CDH18: variants seen among roughly 807,000 people sequenced by gnomAD.
CDH18 encodes cadherin 18, also known as cadherin-18.
In CDH18, 31 loss-of-function variants were observed where a neutral mutation model predicts 67.9. The observed-to-expected ratio is 0.46, with a 90% CI of 0.34 to 0.62. The LOEUF (loss-of-function observed/expected upper bound fraction) is 0.62, where lower values mean the gene tolerates loss of function less well. Ranked by LOEUF, CDH18 falls within the 20% of genes least tolerant of loss-of-function variation. The pLI, the probability that CDH18 is intolerant of heterozygous loss-of-function variation, is 0.01. For missense variants in CDH18, 890 were observed against 975.5 expected, an observed-to-expected ratio of 0.91 and a Z score of 1.17; for synonymous variants, 362 against 347.2, an observed-to-expected ratio of 1.04 and a Z score of -0.48.
At chr5:20,545,982 T>A (rs962164600) in intron 1 of CDH18, among the ~76,000 whole-genome samples, 2 of 152,146 alleles carry the variant, frequency 1.3e-5, no homozygotes, top group Non-Finnish European at 2.9e-5. Context: ...ATCAGCCAGG[T>A]CATATCTTGA....
chr5:19,796,384 C>T (rs936959297), intron 3 of CDH18, among the ~76,000 whole-genome samples: 3 of 152,198 alleles, frequency 2.0e-5, no homozygotes, highest in Non-Finnish European at 2.9e-5. Context: ...CAGTAGATTT[C>T]GCATGTAACA....
At chr5:20,126,766 C>G (rs1748864203) in intron 2 of CDH18, among the ~76,000 whole-genome samples, 2 of 152,054 alleles carry the variant, frequency 1.3e-5, no homozygotes, top group African/African-American at 2.4e-5. Flanking sequence ...TACAATGAAG[C>G]ATCACCTCAT....
rs146375117 is a variant in CDH18 at position 19,811,255 on chromosome 5, G to T, written c.228+27504C>A. Among the ~76,000 whole-genome samples the T allele has an allele frequency of 5.0e-3, 762 of 152,138 alleles. 2 individuals are homozygous for T. Among genetic ancestry groups the T allele is most frequent in the Non-Finnish European group, 8.0e-3 (545 of 67,976 alleles). Reference sequence around the variant, plus strand: ...GATAAAGAAAGAAGCATATGTTAAAGCTCTGAACCCCAATACTTCAAAATG... The same window carrying T: ...GATAAAGAAAGAAGCATATGTTAAATCTCTGAACCCCAATACTTCAAAATG... On this transcript the variant is annotated intron_variant, in intron 3 of 12. Coordinates refer to ENST00000382275, the MANE Select transcript of CDH18 (RefSeq NM_004934.5).
intron 1 of CDH18, among the ~76,000 whole-genome samples, chr5:20,490,070 AATAAT>A (rs1476250980): frequency 3.3e-5 from 5 of 150,418 alleles, no homozygotes; most frequent in South Asian, 2.1e-4. Flanking sequence ...AAATTGCTAT[AATAAT>A]ATAATTGTTA....
At chr5:19,593,726 C>CTTCTTCTTG (rs1561426154) in intron 6 of CDH18, among the ~76,000 whole-genome samples, 34 of 141,270 alleles carry the variant, frequency 2.4e-4, no homozygotes, top group African/African-American at 9.2e-4. Context: ...TCTTCTTCTT[C>CTTCTTCTTG]TTCTTCTTCT....
chr5:20,397,817 G>A (rs949335685), intron 1 of CDH18, among the ~76,000 whole-genome samples: 1 of 151,966 alleles, frequency 6.6e-6, no homozygotes, highest in Non-Finnish European at 1.5e-5. Context: ...CTTTTTCATA[G>A]TAAGTCTTAA....
chr5:19,734,423 G>A (rs1768028060), intron 4 of CDH18, among the ~76,000 whole-genome samples: 1 of 152,064 alleles, frequency 6.6e-6, no homozygotes, highest in Admixed American at 6.5e-5. Context: ...TTGTTCCCCT[G>A]TGATATGGAC....
intron 1 of CDH18, among the ~76,000 whole-genome samples, chr5:20,401,891 C>T (rs1174826605): frequency 2.0e-5 from 3 of 151,912 alleles, no homozygotes; most frequent in Non-Finnish European, 2.9e-5. Context: ...CATATTAATC[C>T]CTTGCTTGAA....
At chr5:19,612,876 C>T (rs1749220615) in intron 5 of CDH18, among the ~76,000 whole-genome samples, 1 of 152,102 alleles carries the variant, frequency 6.6e-6, no homozygotes, top group Admixed American at 6.6e-5. Context: ...TGCGGTGGCT[C>T]ACGCCTGTAA....
rs1014769328 is a variant in CDH18 at position 19,739,111 on chromosome 5, CA to C, written c.523+7830del. On this transcript the variant is annotated intron_variant, in intron 4 of 12. Transcript: ENST00000382275. ...AACAGATATTGGAACAATTATGTTC[CA>C]AAAATTAAGAGCCAATATTTCTAAG... Among the ~76,000 whole-genome samples the C allele has an allele frequency of 6.5e-4, 98 of 151,842 alleles. 2 individuals carry two copies. Among genetic ancestry groups the C allele is most frequent in the Admixed American group, 4.7e-3 (71 of 15,260 alleles).
chr5:20,089,643 T>C (rs1580213684), intron 2 of CDH18, among the ~76,000 whole-genome samples: 1 of 152,130 alleles, frequency 6.6e-6, no homozygotes, highest in East Asian at 1.9e-4. Flanking sequence ...TTGAAAGTTA[T>C]CAAGATTTTG....
intron 1 of CDH18, among the ~76,000 whole-genome samples, chr5:20,321,326 C>T (rs781275804): frequency 6.6e-6 from 1 of 151,954 alleles, no homozygotes; most frequent in Non-Finnish European, 1.5e-5. Context: ...TGTTTTACTT[C>T]CTTTGCAACA....
chr5:19,984,773 A>G (rs77314786), intron 1 of CDH18, among the ~76,000 whole-genome samples: 1,781 of 152,322 alleles, frequency 0.012, 28 homozygotes, highest in African/African-American at 0.041. Context: ...AATCCATGTC[A>G]GTATGCACCC....
At chr5:20,115,634 A>G (rs1031713917) in intron 2 of CDH18, among the ~76,000 whole-genome samples, 4 of 151,948 alleles carry the variant, frequency 2.6e-5, no homozygotes, top group Non-Finnish European at 4.4e-5. Context: ...GTATCAACAT[A>G]GGCATTTCGT....
chr5:20,154,702 T>C (rs1402606683), intron 2 of CDH18, among the ~76,000 whole-genome samples: 2 of 152,154 alleles, frequency 1.3e-5, no homozygotes, highest in African/African-American at 4.8e-5. Flanking sequence ...CCTAATTTCT[T>C]CTGCCAGAAT....
chr5:20,006,472 C>T lies in CDH18; in HGVS notation c.-517-14458G>A, dbSNP rs1019570787. On this transcript the variant is annotated intron_variant, in intron 2 of 14. Coordinates refer to the CDH18 transcript ENST00000507958. The stretch of plus-strand genomic sequence containing the variant: ...TGGAACTGTTAGAATTTTTAAACTA[C>T]GAGGATATCTACAATGTCTACAATA... Among the ~76,000 whole-genome samples the T allele has an allele frequency of 2.6e-5, 4 of 151,926 alleles. 1 individual carries two copies. The highest frequency in any genetic ancestry group is 2.1e-4 in the South Asian group (1 of 4,824).
intron 1 of CDH18, among the ~76,000 whole-genome samples, chr5:19,985,554 T>C (rs1799474491): frequency 6.6e-6 from 1 of 151,996 alleles, no homozygotes. Context: ...GGGTAGAGAA[T>C]AGGTATGCTA....
chr5:20,085,428 G>A (rs1030442251), intron 2 of CDH18, among the ~76,000 whole-genome samples: 1 of 152,008 alleles, frequency 6.6e-6, no homozygotes, highest in African/African-American at 2.4e-5. Context: ...ATGCTTTCCT[G>A]TCTTCTACTG....
At chr5:20,029,026 A>C (rs1436755338) in intron 2 of CDH18, among the ~76,000 whole-genome samples, 1 of 152,130 alleles carries the variant, frequency 6.6e-6, no homozygotes, top group Non-Finnish European at 1.5e-5. Flanking sequence ...TTGAAAAAAT[A>C]ATCTTTTGGA....
Sources: allele counts gnomAD v4.1 joint callset (sites outside exome capture counted in the v4.1 genomes callset), GRCh38; gene constraint gnomAD v4.1.1; transcripts MANE v1.5; gene names NCBI Gene and HGNC (gene_info 2026-07-23, HGNC 2026-07-21).